Variants in EEIG2 observed in about 807,000 individuals in gnomAD.
The protein encoded by EEIG2 is EEIG family member 2.
chr1:108,579,772 T>TGTGTGTGTGTGTGTGTGTGAGAGA, the EEIG2 span, among the ~76,000 whole-genome samples: 2 of 58,822 alleles, frequency 3.4e-5, no homozygotes, highest in African/African-American at 1.3e-4. Context: ...TGTGTGTGTG[T>TGTGTGTGTGTGTGTGTGTGAGAGA]GAGAGAGAGA....
the EEIG2 span, among the ~76,000 whole-genome samples, chr1:108,610,297 G>T: frequency 6.6e-6 from 1 of 152,200 alleles, no homozygotes; most frequent in African/African-American, 2.4e-5. Flanking sequence ...TGGGTGAGAG[G>T]AGAGTGGTTG....
the EEIG2 span, chr1:108,606,226 T>A: frequency 1.3e-6 from 2 of 1,562,220 alleles, no homozygotes; most frequent in Admixed American, 3.5e-5. Context: ...TTGGCAGGAA[T>A]TAAAAGGTGG....
the EEIG2 span, among the ~76,000 whole-genome samples, chr1:108,603,544 C>T: frequency 6.6e-6 from 1 of 152,194 alleles, no homozygotes; most frequent in Admixed American, 6.5e-5. Flanking sequence ...CAAATGTATG[C>T]CTTCTCCTAT....
the EEIG2 span, among the ~76,000 whole-genome samples, chr1:108,587,403 C>G: frequency 9.9e-5 from 15 of 152,174 alleles, no homozygotes; most frequent in African/African-American, 3.6e-4. Flanking sequence ...AGTTGATGAA[C>G]CTTCCTTGAC....
chr1:108,606,144 C>G, the EEIG2 span: 1 of 905,472 alleles, frequency 1.1e-6, no homozygotes, highest in Admixed American at 2.6e-5. Context: ...TATATGTCTG[C>G]TTCAGAATTA....
chr1:108,571,525 G>C, the EEIG2 span, among the ~76,000 whole-genome samples: 1 of 152,164 alleles, frequency 6.6e-6, no homozygotes, highest in Non-Finnish European at 1.5e-5. Context: ...GGACAGAGAA[G>C]ATTGAGGATT....
chr1:108,579,493 A>G, the EEIG2 span, among the ~76,000 whole-genome samples: 1 of 146,748 alleles, frequency 6.8e-6, no homozygotes, highest in African/African-American at 2.5e-5. Context: ...TAATAATGGG[A>G]GACTTTAACA....
At chr1:108,584,731 G>T in the EEIG2 span, among the ~76,000 whole-genome samples, 1 of 152,028 alleles carries the variant, frequency 6.6e-6, no homozygotes, top group African/African-American at 2.4e-5. Context: ...TTACCATAAG[G>T]TTTTGTATTG....
At chr1:108,626,978 C>T in the EEIG2 span, 1 of 152,126 alleles carries the variant, frequency 6.6e-6, no homozygotes, top group Non-Finnish European at 1.5e-5. Flanking sequence ...TTGTACTTAC[C>T]ACATTGTATA....
chr1:108,567,824 C>A, the EEIG2 span, among the ~76,000 whole-genome samples: 7 of 152,070 alleles, frequency 4.6e-5, no homozygotes, highest in Non-Finnish European at 8.8e-5. Flanking sequence ...ATAGTGAGAC[C>A]CTGTCTTTGA....
chr1:108,562,467 A>G, the EEIG2 span, among the ~76,000 whole-genome samples: 5 of 152,186 alleles, frequency 3.3e-5, no homozygotes, highest in Non-Finnish European at 4.4e-5. Context: ...GCCATATAGT[A>G]TGGGGGAAAT....
At chr1:108,569,494 A>G in the EEIG2 span, among the ~76,000 whole-genome samples, 1 of 151,884 alleles carries the variant, frequency 6.6e-6, no homozygotes, top group African/African-American at 2.4e-5. Flanking sequence ...AACATGCTAA[A>G]TTTTCTATTT....
At chr1:108,583,884 G>A in the EEIG2 span, among the ~76,000 whole-genome samples, 2 of 152,098 alleles carry the variant, frequency 1.3e-5, no homozygotes, top group Non-Finnish European at 2.9e-5. Flanking sequence ...ACCAAACATT[G>A]GGGAGGTATG....
the EEIG2 span, chr1:108,636,210 A>T: frequency 6.6e-6 from 1 of 151,604 alleles, no homozygotes; most frequent in Admixed American, 6.6e-5. Context: ...AACATCTATC[A>T]AATATAGCTT....
chr1:108,583,700 A>G, the EEIG2 span, among the ~76,000 whole-genome samples: 5 of 152,106 alleles, frequency 3.3e-5, no homozygotes, highest in African/African-American at 4.8e-5. Flanking sequence ...CTGAAAGTTT[A>G]AGTCTGAAAA....
At chr1:108,617,885 C>G in the EEIG2 span, among the ~76,000 whole-genome samples, 1 of 152,254 alleles carries the variant, frequency 6.6e-6, no homozygotes, top group South Asian at 2.1e-4. Flanking sequence ...GAGGATTGAC[C>G]TTTGGAATTT....
chr1:108,596,878 A>G, the EEIG2 span, among the ~76,000 whole-genome samples: 4 of 152,062 alleles, frequency 2.6e-5, no homozygotes, highest in African/African-American at 7.2e-5. Flanking sequence ...AGCTGGGACT[A>G]CAGGTGCACG....
the EEIG2 span, chr1:108,628,271 T>A: frequency 6.2e-7 from 1 of 1,614,014 alleles, no homozygotes; most frequent in Admixed American, 1.7e-5. Context: ...AGGTAGAGGC[T>A]AACAGTGAAG....
the EEIG2 span, among the ~76,000 whole-genome samples, chr1:108,634,523 C>T: frequency 6.6e-6 from 1 of 152,110 alleles, no homozygotes; most frequent in African/African-American, 2.4e-5. Context: ...AAATGGGTAC[C>T]TGGTGATAAC....
Sources: gnomAD v4.1 joint callset for allele counts (sites outside exome capture counted in the v4.1 genomes callset) on GRCh38, gnomAD v4.1.1 for gene constraint, MANE v1.5 for transcripts, NCBI Gene and HGNC (gene_info 2026-07-23, HGNC 2026-07-21) for gene names.